The following SYNE2 variants were observed in gnomAD, a reference collection of about 807,000 sequenced individuals.
The protein encoded by SYNE2 is spectrin repeat containing nuclear envelope protein 2.
In SYNE2, 431 loss-of-function variants were observed where a neutral mutation model predicts 856.3. The observed-to-expected ratio is 0.50, with a 90% CI of 0.47 to 0.55. The LOEUF (loss-of-function observed/expected upper bound fraction) is 0.55, where lower values mean the gene tolerates loss of function less well. Among genes scored for constraint, SYNE2 ranks in the 20% least tolerant of loss-of-function variants. SYNE2 has a pLI of 0.00. For missense variants in SYNE2, 8,129 were observed against 8,023.2 expected (o/e 1.01, Z -0.50); for synonymous variants, 2,923 against 2,872.3 (o/e 1.02, Z -0.56).
At chr14:64,136,528 CTGTTT>C (rs1199685942) in intron 78 of SYNE2, among the ~76,000 whole-genome samples, 1 of 152,010 alleles carries the variant, frequency 6.6e-6, no homozygotes, top group Non-Finnish European at 1.5e-5. Context: ...AGCAAACCTT[CTGTTT>C]TGTTAATAAT....
At chr14:64,122,729 G>C (rs1407396297) in intron 70 of SYNE2, among the ~76,000 whole-genome samples, 1 of 152,134 alleles carries the variant, frequency 6.6e-6, no homozygotes, top group East Asian at 1.9e-4. Flanking sequence ...GTTTGCATTT[G>C]AGTGCCAAGC....
chr14:64,049,863 G>A lies in SYNE2; in HGVS notation c.7630G>A (p.Glu2544Lys). 1 of 1,614,044 alleles carries A rather than the reference G, an allele frequency of 6.2e-7. No individual in the cohort carries two copies. The highest frequency in any genetic ancestry group is 2.2e-5 in the East Asian group (1 of 44,864). ...AATGAAAGCCTTGTTGACAGACAAG[G>A]AAAGTCTTAAAGTGTAAGTGTAAGA... The part of the protein sequence containing the change: ...SSMKALLTDK[E>K]SLKVGPLDSV... The change falls in exon 47 of 116, where the codon GAA becomes AAA. Residue 2544 changes from glutamate to lysine, a missense_variant. Transcript: ENST00000555002.
chr14:63,972,791 C>A (rs2096489877), intron 11 of SYNE2, among the ~76,000 whole-genome samples: 1 of 152,064 alleles, frequency 6.6e-6, no homozygotes, highest in African/African-American at 2.4e-5. Flanking sequence ...TGGTTTAATT[C>A]AAAATATATG....
At chr14:64,005,265 A>G (rs532767301) in intron 30 of SYNE2, among the ~76,000 whole-genome samples, 2 of 152,298 alleles carry the variant, frequency 1.3e-5, no homozygotes, top group South Asian at 4.1e-4. Context: ...TTGAAAATAG[A>G]CTGTAGGAGT....
chr14:64,050,168 G>C (rs913946942), intron 47 of SYNE2, among the ~76,000 whole-genome samples: 2 of 152,156 alleles, frequency 1.3e-5, no homozygotes, highest in South Asian at 4.1e-4. Flanking sequence ...CTGCTCTCCA[G>C]TTCACAGATG....
At chr14:63,998,042 T>A (rs1316935562) in intron 25 of SYNE2, among the ~76,000 whole-genome samples, 177 bp from the exon 26 acceptor site, 1 of 152,220 alleles carries the variant, frequency 6.6e-6, no homozygotes, top group Non-Finnish European at 1.5e-5. Context: ...AAGGTGAGAC[T>A]CTCCTCTGTC....
At chr14:63,994,160 C>T (rs1423616501) in intron 22 of SYNE2, among the ~76,000 whole-genome samples, 191 bp downstream of exon 22, 1 of 152,004 alleles carries the variant, frequency 6.6e-6, no homozygotes, top group African/African-American at 2.4e-5. Flanking sequence ...GGCAGACAAA[C>T]CTGGATTCAG....
chr14:64,192,115 A>G (rs1200051591), intron 99 of SYNE2, among the ~76,000 whole-genome samples: 1 of 152,188 alleles, frequency 6.6e-6, no homozygotes, highest in Non-Finnish European at 1.5e-5. Flanking sequence ...GGTTATGTCT[A>G]GTGATGAGAG....
At chr14:64,148,979 T>C (rs992369324) in intron 84 of SYNE2, among the ~76,000 whole-genome samples, 1,493 of 140,672 alleles carry the variant, frequency 0.011, 19 homozygotes, top group African/African-American at 0.039. Flanking sequence ...AATTTCTCTT[T>C]TTTTTTTTTT....
chr14:63,939,323 G>C (rs552596104), intron 2 of SYNE2, among the ~76,000 whole-genome samples: 2 of 150,308 alleles, frequency 1.3e-5, no homozygotes, highest in South Asian at 4.2e-4. Flanking sequence ...TCTTCCCCTT[G>C]ACTCCTACCT....
At chr14:64,080,092 T>G (rs1364094573) in intron 55 of SYNE2, among the ~76,000 whole-genome samples, 1 of 152,088 alleles carries the variant, frequency 6.6e-6, no homozygotes, top group Non-Finnish European at 1.5e-5. Context: ...TATGAACTAG[T>G]GTAAATAGGT....
chr14:64,224,906 G>A, intron 114 of SYNE2, 93 bp from the exon 115 acceptor site: 1 of 1,171,036 alleles, frequency 8.5e-7, no homozygotes, highest in Non-Finnish European at 1.3e-6. Context: ...ACATAAAGGT[G>A]GTATATAATT....
chr14:63,769,805 G>A lies in SYNE2; in HGVS notation c.-305+7819G>A, dbSNP rs148865961. Reference sequence around the variant, plus strand: ...TCCCAGTTACTCAGGAGGCTGAGGCGGGAGGATCACTTAAGCCCAGGAGGT... The same window carrying A: ...TCCCAGTTACTCAGGAGGCTGAGGCAGGAGGATCACTTAAGCCCAGGAGGT... On this transcript the variant is annotated intron_variant, in intron 1 of 23. Transcript: ENST00000674003. Among the ~76,000 whole-genome samples, 719 of 150,682 alleles carry A rather than the reference G, an allele frequency of 4.8e-3. 8 individuals carry two copies. The highest frequency in any genetic ancestry group is 0.024 in the East Asian group (119 of 5,018).
At chr14:64,152,833 G>C (rs1567479030) in intron 85 of SYNE2, 117 bp downstream of exon 85, 2 of 1,341,348 alleles carry the variant, frequency 1.5e-6, no homozygotes, top group Non-Finnish European at 2.1e-6. Flanking sequence ...ACACTGAAAA[G>C]TTGCTGAGAA....
At chr14:64,050,816 C>G (rs763955712) in intron 47 of SYNE2, among the ~76,000 whole-genome samples, 1 of 151,892 alleles carries the variant, frequency 6.6e-6, no homozygotes, top group African/African-American at 2.4e-5. Flanking sequence ...GTCAGGAATT[C>G]GAGACCAGCT....
intron 30 of SYNE2, among the ~76,000 whole-genome samples, chr14:64,004,649 C>CT (rs1388923249): frequency 6.6e-6 from 1 of 152,084 alleles, no homozygotes; most frequent in Non-Finnish European, 1.5e-5. Context: ...CTTTCTAAAT[C>CT]TGTCTCACTT....
intron 36 of SYNE2, 109 bp from the exon 37 acceptor site, chr14:64,021,748 C>G: frequency 8.0e-7 from 1 of 1,242,554 alleles, no homozygotes; most frequent in Non-Finnish European, 1.2e-6. Context: ...AGTGAATCCA[C>G]TCAACAGAGA....
intron 85 of SYNE2, among the ~76,000 whole-genome samples, chr14:64,153,537 A>G (rs2098261812): frequency 6.6e-6 from 1 of 152,226 alleles, no homozygotes; most frequent in Admixed American, 6.5e-5. Flanking sequence ...CATGAAATCC[A>G]TAGGCAACAC....
chr14:63,921,939 T>C (rs2095605685), intron 2 of SYNE2, among the ~76,000 whole-genome samples: 1 of 152,208 alleles, frequency 6.6e-6, no homozygotes, highest in Admixed American at 6.5e-5. Context: ...TTTGAATTTC[T>C]CCTCCACCAG....
Sources: gnomAD v4.1 joint callset for allele counts (sites outside exome capture counted in the v4.1 genomes callset) on GRCh38, gnomAD v4.1.1 for gene constraint, MANE v1.5 for transcripts, NCBI Gene and HGNC (gene_info 2026-07-23, HGNC 2026-07-21) for gene names.